IL1RAPL2: variants seen among roughly 807,000 people sequenced by gnomAD.
IL1RAPL2 encodes the protein interleukin 1 receptor accessory protein like 2, also known as X-linked interleukin-1 receptor accessory protein-like 2.
IL1RAPL2 carries 3 observed loss-of-function variants against 44.1 expected under a neutral mutation model. That is an observed-to-expected ratio of 0.07 (90% CI 0.03 to 0.18). The LOEUF is 0.18. Ranked by LOEUF, IL1RAPL2 falls within the 10% of genes least tolerant of loss-of-function variation. The pLI is 1.00. For missense variants in IL1RAPL2, 391 were observed against 496.4 expected, an observed-to-expected ratio of 0.79 and a Z score of 2.02; for synonymous variants, 181 against 178.8, an observed-to-expected ratio of 1.01 and a Z score of -0.10.
chrX:105,609,215 C>T (rs1279649092), intron 6 of IL1RAPL2, among the ~76,000 whole-genome samples: 2 of 111,385 alleles, frequency 1.8e-5, no homozygotes, highest in Non-Finnish European at 3.8e-5. Flanking sequence ...ATAGCTTATG[C>T]AGAAATTACA....
intron 4 of IL1RAPL2, among the ~76,000 whole-genome samples, chrX:105,256,347 G>T (rs760756554): frequency 0.036 from 2,613 of 73,251 alleles, 83 homozygotes; most frequent in African/African-American, 0.12. Flanking sequence ...TTTTTTTTTT[G>T]AGACGGAGTC....
chrX:104,916,781 G>A (rs879061975), intron 2 of IL1RAPL2, among the ~76,000 whole-genome samples: 3 of 111,064 alleles, frequency 2.7e-5, no homozygotes, highest in Non-Finnish European at 3.8e-5. Flanking sequence ...AGCATGAAGG[G>A]TTGTTGAATT....
At chrX:105,658,897 G>A (rs1190328466) in intron 6 of IL1RAPL2, among the ~76,000 whole-genome samples, 1 of 106,121 alleles carries the variant, frequency 9.4e-6, no homozygotes, top group African/African-American at 3.5e-5. Context: ...GGCAGGCGGA[G>A]GTTGCAGTGA....
At chrX:104,646,304 G>C (rs1431989067) in intron 1 of IL1RAPL2, among the ~76,000 whole-genome samples, 3 of 104,274 alleles carry the variant, frequency 2.9e-5, no homozygotes, top group Non-Finnish European at 3.9e-5. Context: ...CATACCTACT[G>C]TGTTCTAGTC....
chrX:105,630,745 G>A (rs2037486399), intron 6 of IL1RAPL2, among the ~76,000 whole-genome samples: 2 of 110,360 alleles, frequency 1.8e-5, no homozygotes, highest in African/African-American at 6.6e-5. Flanking sequence ...GAAAGGTGAA[G>A]TATGAGAAGA....
intron 2 of IL1RAPL2, among the ~76,000 whole-genome samples, chrX:104,917,667 T>C (rs1010127283): frequency 8.9e-6 from 1 of 111,996 alleles, no homozygotes; most frequent in Non-Finnish European, 1.9e-5. Context: ...AATGCCTAAT[T>C]GCCCTTTGGA....
chrX:104,660,819 T>A (rs888454046), intron 2 of IL1RAPL2, among the ~76,000 whole-genome samples: 8 of 108,028 alleles, frequency 7.4e-5, no homozygotes, highest in African/African-American at 2.7e-4. Flanking sequence ...CCTGTAGTCC[T>A]AGCTAATCAG....
chrX:104,999,991 G>A (rs2030824586), intron 2 of IL1RAPL2, among the ~76,000 whole-genome samples: 1 of 104,062 alleles, frequency 9.6e-6, no homozygotes, highest in African/African-American at 3.5e-5. Context: ...TTTCTAATTT[G>A]TCTGCTGTTT....
chrX:105,088,701 G>A, intron 2 of IL1RAPL2, among the ~76,000 whole-genome samples: 1 of 111,636 alleles, frequency 9.0e-6, no homozygotes, highest in Non-Finnish European at 1.9e-5. Flanking sequence ...ATAACTAAAT[G>A]TGTATGCTTA....
chrX:104,832,198 A>G (rs926405170), intron 2 of IL1RAPL2, among the ~76,000 whole-genome samples: 3 of 111,955 alleles, frequency 2.7e-5, no homozygotes, highest in African/African-American at 9.7e-5. Flanking sequence ...CTGCCAGGCA[A>G]AAAAGGTTTT....
chrX:105,310,121 T>C (rs945021008), intron 5 of IL1RAPL2, among the ~76,000 whole-genome samples: 6 of 111,213 alleles, frequency 5.4e-5, no homozygotes, highest in Non-Finnish European at 1.1e-4. Context: ...TATGAGCAGG[T>C]TTTTGGAGAG....
chrX:104,709,891 A>T (rs1042326068), intron 2 of IL1RAPL2, among the ~76,000 whole-genome samples: 4 of 110,866 alleles, frequency 3.6e-5, no homozygotes, highest in Non-Finnish European at 5.7e-5. Flanking sequence ...CTGTAAAAAG[A>T]TGCTCAACAT....
chrX:105,154,638 T>C (rs2033254674), intron 2 of IL1RAPL2, among the ~76,000 whole-genome samples: 2 of 111,876 alleles, frequency 1.8e-5, no homozygotes, highest in South Asian at 7.5e-4. Flanking sequence ...TGTTTAACTC[T>C]CTGTTTGTTA....
intron 6 of IL1RAPL2, among the ~76,000 whole-genome samples, chrX:105,644,610 T>C (rs2037592646): frequency 9.0e-6 from 1 of 111,275 alleles, no homozygotes; most frequent in Non-Finnish European, 1.9e-5. Flanking sequence ...GTTATTTTCT[T>C]ATTTTTTTTA....
chrX:104,986,281 A>G (rs994471518), intron 2 of IL1RAPL2, among the ~76,000 whole-genome samples: 1 of 112,105 alleles, frequency 8.9e-6, no homozygotes, highest in Admixed American at 9.5e-5. Flanking sequence ...TGAGGGTGAC[A>G]ATATAACCAT....
At chrX:104,707,200 G>A (rs1382785387) in intron 2 of IL1RAPL2, among the ~76,000 whole-genome samples, 2 of 110,997 alleles carry the variant, frequency 1.8e-5, no homozygotes, top group African/African-American at 6.5e-5. Context: ...TCAATTAGTC[G>A]GGGGAAAAAC....
At chrX:105,386,303 A>G (rs2035475828) in intron 5 of IL1RAPL2, among the ~76,000 whole-genome samples, 1 of 111,831 alleles carries the variant, frequency 8.9e-6, no homozygotes, top group Non-Finnish European at 1.9e-5. Flanking sequence ...TCTTACTGAA[A>G]AAAATCACTG....
chrX:105,166,692 C>T (rs1379348212), intron 2 of IL1RAPL2, among the ~76,000 whole-genome samples: 1 of 112,373 alleles, frequency 8.9e-6, no homozygotes, highest in Non-Finnish European at 1.9e-5. Context: ...TGTGCTCCAT[C>T]CTGCTCATTC....
At chrX:104,925,056 T>A (rs946386770) in intron 2 of IL1RAPL2, among the ~76,000 whole-genome samples, 21 of 110,037 alleles carry the variant, frequency 1.9e-4, no homozygotes, top group Non-Finnish European at 2.7e-4. Context: ...AATCATCAGA[T>A]ATCACTATGA....
Sources: allele counts gnomAD v4.1 joint callset (sites outside exome capture counted in the v4.1 genomes callset), GRCh38; gene constraint gnomAD v4.1.1; transcripts MANE v1.5; gene names NCBI Gene and HGNC (gene_info 2026-07-23, HGNC 2026-07-21).